Variants in ENTPD6 observed in about 807,000 individuals in gnomAD.
ENTPD6 encodes ectonucleoside triphosphate diphosphohydrolase 6, also known as CD39 antigen-like 2.
A neutral mutation model predicts 61.5 loss-of-function variants in ENTPD6; 46 were observed. That is an observed-to-expected ratio of 0.75 (90% CI 0.59 to 0.96). The LOEUF (loss-of-function observed/expected upper bound fraction) is 0.96, where lower values mean the gene tolerates loss of function less well. ENTPD6 is among the 40% of genes least tolerant of loss of function. The pLI is 0.00. For missense variants in ENTPD6, 612 were observed against 629.0 expected (o/e 0.97, Z 0.29); for synonymous variants, 252 against 255.5 (o/e 0.99, Z 0.13).
intron 11 of ENTPD6, chr20:25,222,404 C>T (rs746478883): frequency 3.6e-5 from 6 of 166,802 alleles, no homozygotes; most frequent in Middle Eastern, 5.6e-3. Flanking sequence ...CCTGTTCTCC[C>T]TCAAGCCATG....
chr20:25,196,046 C>G, intron 1 of ENTPD6, 179 bp downstream of exon 1: 1 of 872,676 alleles, frequency 1.1e-6, no homozygotes, highest in Non-Finnish European at 1.5e-6. Flanking sequence ...TGTCTGGGCT[C>G]CGCTGACCGG....
rs77841281 is a variant in ENTPD6, at chr20:25,227,078, G to T, written c.*1481G>T. Among the ~76,000 whole-genome samples the T allele has an allele frequency of 8.9e-4, 135 of 152,368 alleles. No homozygotes were observed. Among genetic ancestry groups the T allele is most frequent in the African/African-American group, 3.1e-3 (130 of 41,574 alleles). On this transcript the variant is annotated 3_prime_UTR_variant, in exon 15 of 15. Coordinates refer to ENST00000376652, the MANE Select transcript of ENTPD6 (RefSeq NM_001247.5). ...GGTCTGGAAGCGTCCCAAAGGTGTC[G>T]CATGCCAGGGAAACTGCAGACCAGC...
In ENTPD6 at chr20:25,207,403, C is replaced by T. The variant is rs766046799; in HGVS notation, c.376+6C>T. 1.1e-5 allele frequency: 16 copies of T among 1,521,030 alleles called. No individual in the cohort carries two copies. The highest frequency in any genetic ancestry group is 6.2e-6 in the Non-Finnish European group (7 of 1,132,008). The allele number at this position is 1,521,030 out of a possible 1,614,324, so 94.2% of individuals were successfully genotyped here. On this transcript the variant is annotated splice_donor_region_variant and intron_variant, in intron 3 of 14. Coordinates refer to ENST00000376652, the MANE Select transcript of ENTPD6 (RefSeq NM_001247.5). The stretch of plus-strand genomic sequence containing the variant: ...GTTCACCCGGCCCCCCAGAGGTACC[C>T]GCCTCTCATGGCAGGGCTCTCGGGA...
rs1245660177 is a variant in ENTPD6, at chr20:25,207,314, A to C, written c.293A>C (p.His98Pro). Residue 98 changes from histidine to proline, a missense_variant, in exon 3 of 15, where the codon CAC becomes CCC. By Grantham distance (77) the His-to-Pro change is moderately conservative (BLOSUM62 -2). Transcript: ENST00000376652. ...HSPLGTAADG[H>P]EVFYGIMFDA... Reference sequence around the variant, plus strand: ...CCCCTGGGGACAGCTGCAGACGGGCACGAGGTCTTCTACGGGATCATGTTT... The same window carrying C: ...CCCCTGGGGACAGCTGCAGACGGGCCCGAGGTCTTCTACGGGATCATGTTT... 4.4e-6 allele frequency: 7 copies of C among 1,602,870 alleles called. No homozygotes were observed. The highest frequency in any genetic ancestry group is 2.7e-5 in the African/African-American group (2 of 74,612).
chr20:25,214,419 A>G (rs1040220402), intron 5 of ENTPD6, among the ~76,000 whole-genome samples: 1 of 152,190 alleles, frequency 6.6e-6, no homozygotes, highest in African/African-American at 2.4e-5. Flanking sequence ...TTTATCTCAC[A>G]TCCCAAAGCA....
Position 25,226,374 on chromosome 20 carries a change from CTG to C in ENTPD6, c.*781_*782del, listed in dbSNP as rs1449287330. 1 of 152,724 alleles carries C rather than the reference CTG, an allele frequency of 6.5e-6. No homozygotes were observed. The highest frequency in any genetic ancestry group is 1.5e-5 in the Non-Finnish European group (1 of 68,138). The allele number at this position is 152,724 out of a possible 1,614,324, so 9.5% of individuals were successfully genotyped here. On this transcript the variant is annotated 3_prime_UTR_variant, in exon 15 of 15. Coordinates refer to ENST00000376652, the MANE Select transcript of ENTPD6 (RefSeq NM_001247.5). ...TGGGTGCCAAGTGCTTGTGTAGAAA[CTG>C]TGTTCTGAGCCCCCTTTTCTGGACA...
At position 25,218,529 on chromosome 20, in the gene ENTPD6, AC is replaced by A. The variant is rs779949622; in HGVS notation, c.879-20del. On this transcript the variant is annotated intron_variant, in intron 9 of 14. Transcript: ENST00000376652. The stretch of plus-strand genomic sequence containing the variant: ...TGTACCTGCCATGGCAGCTGCCCTC[AC>A]TGAGGTGTCATTCCCACAGCTACCT... The A allele has an allele frequency of 5.0e-6, 8 of 1,594,464 alleles. No individual in the cohort carries two copies. Among genetic ancestry groups the A allele is most frequent in the Non-Finnish European group, 6.0e-6 (7 of 1,172,910 alleles).
rs77136004 is a variant in ENTPD6, at chr20:25,213,107, G to A, written c.454-156G>A. On this transcript the variant is annotated intron_variant, in intron 4 of 14. Coordinates refer to ENST00000376652, the MANE Select transcript of ENTPD6 (RefSeq NM_001247.5). ...CACTTGAGCCCAGGAATTCAAGGCT[G>A]CAAATGAGCTGTGATCAAGCCACTT... Among the ~76,000 whole-genome samples the A allele has an allele frequency of 4.7e-3, 716 of 152,272 alleles. 5 individuals carry two copies. Among genetic ancestry groups the A allele is most frequent in the African/African-American group, 0.016 (673 of 41,550 alleles).
At chr20:25,204,347 T>A (rs2091288685) in intron 1 of ENTPD6, among the ~76,000 whole-genome samples, 1 of 152,206 alleles carries the variant, frequency 6.6e-6, no homozygotes. Context: ...TACCCTTAAC[T>A]CTGAATTATC....
intron 8 of ENTPD6, 52 bp from the exon 9 acceptor site, chr20:25,217,450 G>T: frequency 6.4e-7 from 1 of 1,550,960 alleles, no homozygotes; most frequent in South Asian, 1.1e-5. Context: ...GGGTGGAGGA[G>T]AATTTTCTAG....
Position 25,225,526 on chromosome 20 carries a change from A to T in ENTPD6, c.1384A>T (p.Thr462Ser). 2 of 1,613,936 alleles carry T rather than the reference A, an allele frequency of 1.2e-6. No homozygotes were observed. Among genetic ancestry groups the T allele is most frequent in the Non-Finnish European group, 1.7e-6 (2 of 1,179,934 alleles). ...KLTRKIDNVE[T>S]SWALGAIFHY... is the part of the protein sequence containing the mutation. ...CACTCGGAAAATTGACAATGTTGAG[A>T]CCAGCTGGGCTCTGGGGGCCATTTT... The change falls in exon 15 of 15, where the codon ACC (threonine) becomes TCC (serine). Residue 462 changes from threonine (T) to serine (S), a missense_variant. Coordinates refer to ENST00000376652, the MANE Select transcript of ENTPD6 (RefSeq NM_001247.5).
In ENTPD6 at chr20:25,213,234, A is replaced by G. The variant is rs73904022; in HGVS notation, c.454-29A>G. 2.3e-3 allele frequency: 3,671 copies of G among 1,614,070 alleles called. 89 individuals carry two copies. In the African/African-American group the frequency reaches 0.043, roughly 19 times the overall value. Reference sequence around the variant, plus strand: ...TGACCCTGTATGCTGCACTTGACAGACCCTGCTTTGCTCTTACCACGTTCA... The same window carrying G: ...TGACCCTGTATGCTGCACTTGACAGGCCCTGCTTTGCTCTTACCACGTTCA... On this transcript the variant is annotated intron_variant, in intron 4 of 14. Transcript: ENST00000376652.
chr20:25,213,485 G>A, intron 5 of ENTPD6, 79 bp downstream of exon 5: 1 of 1,443,560 alleles, frequency 6.9e-7, no homozygotes, highest in Non-Finnish European at 9.3e-7. Context: ...TGTCTCACCA[G>A]TGCCGCACCA....
In ENTPD6 at chr20:25,205,747, C is replaced by G. The variant is rs188111918; in HGVS notation, c.-15-775C>G. Among the ~76,000 whole-genome samples, 229 of 152,326 alleles carry G rather than the reference C, an allele frequency of 1.5e-3. 1 individual carries two copies. Among genetic ancestry groups the G allele is most frequent in the Non-Finnish European group, 2.5e-3 (171 of 68,020 alleles). On this transcript the variant is annotated intron_variant, in intron 1 of 14. Coordinates refer to ENST00000376652, the MANE Select transcript of ENTPD6 (RefSeq NM_001247.5). The stretch of plus-strand genomic sequence containing the variant: ...TGGGTGGCCAGGCCACTGGTGAGGC[C>G]TCTCCCCTCGGCACGGGGCACTGTG...
At position 25,227,232 on chromosome 20, in the gene ENTPD6, G is replaced by C. The variant is rs894712987; in HGVS notation, c.*1635G>C. On this transcript the variant is annotated 3_prime_UTR_variant, in exon 15 of 15. Transcript: ENST00000376652. ...GCCACGTGGTGGAGGCCTGCACAGA[G>C]CAGGAAAGGACAAAAGACAAAAAGA... Among the ~76,000 whole-genome samples the C allele has an allele frequency of 6.6e-6, 1 of 152,232 alleles. No individual in the cohort carries two copies. Among genetic ancestry groups the C allele is most frequent in the African/African-American group, 2.4e-5 (1 of 41,456 alleles).
intron 8 of ENTPD6, among the ~76,000 whole-genome samples, chr20:25,217,267 T>C (rs144942428): frequency 1.5e-3 from 226 of 152,294 alleles, no homozygotes; most frequent in Non-Finnish European, 2.5e-3. Flanking sequence ...ATCGTCGTCA[T>C]GTCTGGGCCG....
At chr20:25,223,772 C>T (rs1280449477) in intron 12 of ENTPD6, 1 of 190,376 alleles carries the variant, frequency 5.3e-6, no homozygotes, top group Non-Finnish European at 1.1e-5. Context: ...TCTATGGCTT[C>T]AGGAAACATT....
chr20:25,223,021 A>AGGGGGTGGG, intron 12 of ENTPD6, 43 bp downstream of exon 12: 1 of 488,190 alleles, frequency 2.0e-6, no homozygotes, highest in East Asian at 5.8e-5. Flanking sequence ...TCGGGGCGGC[A>AGGGGGTGGG]GGGGGCGGGG....
chr20:25,217,053 C>T (rs149917789), intron 8 of ENTPD6, among the ~76,000 whole-genome samples: 10 of 152,258 alleles, frequency 6.6e-5, no homozygotes, highest in Non-Finnish European at 1.2e-4. Context: ...TTCAGGGTTC[C>T]GAAAGGAACA....
Sources: gnomAD v4.1 joint callset for allele counts (sites outside exome capture counted in the v4.1 genomes callset) on GRCh38, gnomAD v4.1.1 for gene constraint, MANE v1.5 for transcripts, NCBI Gene and HGNC (gene_info 2026-07-23, HGNC 2026-07-21) for gene names.